DHRSX: variants seen among roughly 807,000 people sequenced by gnomAD.
DHRSX encodes the protein polyprenol dehydrogenase.
DHRSX carries 31 observed loss-of-function variants against 34.0 expected under a neutral mutation model. The observed-to-expected ratio is 0.91, with a 90% CI of 0.69 to 1.23. The LOEUF (loss-of-function observed/expected upper bound fraction) is 1.23. Ranked by LOEUF, DHRSX falls within the 50% of genes most tolerant of loss-of-function variation. The pLI is 0.00. For synonymous variants in DHRSX, 201 were observed against 183.8 expected, an observed-to-expected ratio of 1.09 and a Z score of -0.76; for missense variants, 414 against 428.1, an observed-to-expected ratio of 0.97 and a Z score of 0.29.
chrX:2,389,240 C>G (rs2043306966), intron 3 of DHRSX, among the ~76,000 whole-genome samples: 1 of 152,186 alleles, frequency 6.6e-6, no homozygotes, highest in South Asian at 2.1e-4. Context: ...CCTCCTCTCT[C>G]TCACCTGCAC....
intron 6 of DHRSX, among the ~76,000 whole-genome samples, chrX:2,230,583 T>C (rs1369015017): frequency 2.6e-5 from 4 of 152,210 alleles, no homozygotes; most frequent in African/African-American, 9.6e-5. Context: ...GTGGATATCA[T>C]TAACATTTAC....
At chrX:2,442,137 T>C (rs1325085242) in intron 1 of DHRSX, among the ~76,000 whole-genome samples, 1 of 152,188 alleles carries the variant, frequency 6.6e-6, no homozygotes, top group African/African-American at 2.4e-5. Flanking sequence ...ACTGCATTCT[T>C]ACAGTAAAGT....
At chrX:2,448,310 G>C (rs1180190808) in intron 1 of DHRSX, among the ~76,000 whole-genome samples, 1 of 152,136 alleles carries the variant, frequency 6.6e-6, no homozygotes, top group Non-Finnish European at 1.5e-5. Flanking sequence ...TCCACCGTGG[G>C]TGATAGGGTG....
intron 3 of DHRSX, among the ~76,000 whole-genome samples, chrX:2,368,669 T>G (rs1416816901): frequency 6.6e-6 from 1 of 151,932 alleles, no homozygotes; most frequent in East Asian, 1.9e-4. Flanking sequence ...GGCCAACATG[T>G]CAAAACCCCG....
intron 6 of DHRSX, among the ~76,000 whole-genome samples, chrX:2,242,462 G>A (rs1432520018): frequency 6.6e-6 from 1 of 152,126 alleles, no homozygotes; most frequent in Non-Finnish European, 1.5e-5. Context: ...ACTCCATCTT[G>A]AATAGGGGCT....
In DHRSX at chrX:2,220,555, C is replaced by T. The variant is rs2015498285; in HGVS notation, c.*486G>A. 6.4e-6 allele frequency: 1 copy of T among 156,986 alleles called. No homozygotes were observed. The highest frequency in any genetic ancestry group is 1.4e-5 in the Non-Finnish European group (1 of 71,192). 9.7% of individuals were successfully genotyped at this position (156,986 alleles called of 1,614,324 possible). On this transcript the variant is annotated 3_prime_UTR_variant, in exon 7 of 7. Coordinates refer to ENST00000334651, the MANE Select transcript of DHRSX (RefSeq NM_145177.3). ...GTCAAACTCATCCTACAGGCTGTAG[C>T]AAGCAAGGCTCACACCTCCCCATGT...
At chrX:2,489,487 C>G in intron 1 of DHRSX, 2 of 1,613,664 alleles carry the variant, frequency 1.2e-6, no homozygotes, top group Admixed American at 1.7e-5. Flanking sequence ...TGGAGGCCGA[C>G]AGCATCTCGG....
rs752546031 is a variant in DHRSX at position 2,360,538 on chromosome X, G to A, written c.286+48207C>T. Reference sequence around the variant, plus strand: ...GCGGAGATTGCAGTGAGCCAAGATCGCGCCACTGCACTCCAGCCTGGGCAA... The same window carrying A: ...GCGGAGATTGCAGTGAGCCAAGATCACGCCACTGCACTCCAGCCTGGGCAA... On this transcript the variant is annotated intron_variant, in intron 3 of 6. Coordinates refer to ENST00000334651, the MANE Select transcript of DHRSX (RefSeq NM_145177.3). Among the ~76,000 whole-genome samples, 44 of 152,112 alleles carry A rather than the reference G, an allele frequency of 2.9e-4. No individual in the cohort carries two copies. In the East Asian group the frequency reaches 4.5e-3, roughly 15 times the overall value.
chrX:2,415,814 A>G (rs2043686267), intron 2 of DHRSX, among the ~76,000 whole-genome samples: 2 of 151,710 alleles, frequency 1.3e-5, no homozygotes, highest in Non-Finnish European at 2.9e-5. Flanking sequence ...ACCAGATCTC[A>G]TCATGACCAA....
chrX:2,257,334 C>T (rs35805291), intron 5 of DHRSX, among the ~76,000 whole-genome samples: 29,215 of 152,138 alleles, frequency 0.19, 3,231 homozygotes, highest in African/African-American at 0.25. Context: ...GAGATGGAGA[C>T]GGAGCTAACC....
At chrX:2,427,635 G>A (rs1186298497) in intron 1 of DHRSX, among the ~76,000 whole-genome samples, 2 of 152,104 alleles carry the variant, frequency 1.3e-5, no homozygotes, top group African/African-American at 4.8e-5. Context: ...GACATGATGA[G>A]GCAAGAATGA....
In DHRSX at chrX:2,496,051, A is replaced by G. The variant is rs753647778; in HGVS notation, c.109+4766T>C. Among the ~76,000 whole-genome samples, 17 of 152,312 alleles carry G rather than the reference A, an allele frequency of 1.1e-4. No homozygotes were observed. The South Asian group carries it at 3.3e-3, about 30-fold the overall frequency. On this transcript the variant is annotated intron_variant, in intron 1 of 6. Transcript: ENST00000334651. Reference sequence around the variant, plus strand: ...CAATCATTTTTCTTTTAAAAAACATACAGCACATGGCCAAAGGGTACCAAG... The same window carrying G: ...CAATCATTTTTCTTTTAAAAAACATGCAGCACATGGCCAAAGGGTACCAAG...
rs1165185216 is a variant in DHRSX at position 2,485,203 on chromosome X, G to A, written c.109+15614C>T. 2.0e-5 allele frequency among the ~76,000 whole-genome samples: 3 copies of A among 152,152 alleles called. No individual in the cohort carries two copies. The South Asian group carries it at 6.2e-4, about 32-fold the overall frequency. On this transcript the variant is annotated intron_variant, in intron 1 of 6. Coordinates refer to ENST00000334651, the MANE Select transcript of DHRSX (RefSeq NM_145177.3). ...CCGTCGGGGTTAGGGAAATGTCTCTGTAAGAAACCCTCAAGGACTAGAATT... is the reference window on the plus strand; with the variant it reads ...CCGTCGGGGTTAGGGAAATGTCTCTATAAGAAACCCTCAAGGACTAGAATT...
In DHRSX at chrX:2,444,826, C is replaced by A. The variant is rs1258179859; in HGVS notation, c.110-19522G>T. Among the ~76,000 whole-genome samples, 13 of 146,652 alleles carry A rather than the reference C, an allele frequency of 8.9e-5. No homozygotes were observed. In the East Asian group the frequency reaches 1.8e-3, roughly 21 times the overall value. On this transcript the variant is annotated intron_variant, in intron 1 of 6. Transcript: ENST00000334651. The stretch of plus-strand genomic sequence containing the variant: ...CTCTAGCCTGTGGGACACAGCAAGA[C>A]CCAGTCTCCAAAAAAAAAATGTTAA...
intron 1 of DHRSX, among the ~76,000 whole-genome samples, chrX:2,484,383 G>T (rs761205058): frequency 2.8e-4 from 43 of 152,236 alleles, no homozygotes; most frequent in African/African-American, 9.1e-4. Flanking sequence ...GACACCATCA[G>T]GGTACTCATG....
chrX:2,276,091 G>A (rs900348566), intron 4 of DHRSX, among the ~76,000 whole-genome samples: 4 of 152,126 alleles, frequency 2.6e-5, no homozygotes, highest in Non-Finnish European at 4.4e-5. Context: ...ATCCATCCAC[G>A]TCGGCCTCCC....
In DHRSX at chrX:2,220,714, G is replaced by C; in HGVS notation, c.*327C>G. On this transcript the variant is annotated 3_prime_UTR_variant, in exon 7 of 7. Transcript: ENST00000334651. Reference sequence around the variant, plus strand: ...CCCTGAAAAGAGAGCATCTCTCTTGGAACTTTTGTACTCAGTTGTATTAAC... The same window carrying C: ...CCCTGAAAAGAGAGCATCTCTCTTGCAACTTTTGTACTCAGTTGTATTAAC... The C allele has an allele frequency of 3.2e-6, 1 of 311,956 alleles. No homozygotes were observed. Among genetic ancestry groups the C allele is most frequent in the Non-Finnish European group, 5.9e-6 (1 of 170,222 alleles). The allele number at this position is 311,956 out of a possible 1,614,324, so 19.3% of individuals were successfully genotyped here.
intron 3 of DHRSX, among the ~76,000 whole-genome samples, chrX:2,405,402 C>T (rs190414447): frequency 6.6e-6 from 1 of 151,990 alleles, no homozygotes; most frequent in Non-Finnish European, 1.5e-5. Flanking sequence ...GCAGGAGAAT[C>T]GCTTGAACCC....
At position 2,425,295 on chromosome X, in the gene DHRSX, G is replaced by A. The variant is rs775850133; in HGVS notation, c.119C>T (p.Pro40Leu). ...CACTATAGCGACACGGTCAGGTCGTGGGGGGAAAACTGAAAAAGAAGAAGA... is the reference window on the plus strand; with the variant it reads ...CACTATAGCGACACGGTCAGGTCGTAGGGGGAAAACTGAAAAAGAAGAAGA... Reference protein sequence around the residue: ...RGGFLEPVFPPRPDRVAIVTG... With the variant: ...RGGFLEPVFPLRPDRVAIVTG... The change falls in exon 2 of 7, where the codon CCA becomes CTA. Residue 40 changes from proline to leucine, a missense_variant. Coordinates refer to ENST00000334651, the MANE Select transcript of DHRSX (RefSeq NM_145177.3). 1.1e-5 allele frequency: 17 copies of A among 1,612,592 alleles called. No individual in the cohort carries two copies. Among genetic ancestry groups the A allele is most frequent in the Non-Finnish European group, 1.4e-5 (17 of 1,179,070 alleles).
Sources: allele counts gnomAD v4.1 joint callset (sites outside exome capture counted in the v4.1 genomes callset), GRCh38; gene constraint gnomAD v4.1.1; transcripts MANE v1.5; gene names NCBI Gene and HGNC (gene_info 2026-07-23, HGNC 2026-07-21).